PCDH15: variants seen among roughly 807,000 people sequenced by gnomAD.
PCDH15 encodes the protein protocadherin-15.
In PCDH15, 129 loss-of-function variants were observed where a neutral mutation model predicts 178.5. That is an observed-to-expected ratio of 0.72 (90% CI 0.63 to 0.84). PCDH15 has a LOEUF of 0.84. Among genes scored for constraint, PCDH15 ranks in the 40% least tolerant of loss-of-function variants. The probability of loss-of-function intolerance (pLI) is 0.00; values close to 1 mark genes in which losing one functional copy is unlikely to be tolerated. For synonymous variants in PCDH15, 800 were observed against 732.0 expected, an observed-to-expected ratio of 1.09 and a Z score of -1.50; for missense variants, 2,230 against 2,099.9, an observed-to-expected ratio of 1.06 and a Z score of -1.21.
intron 2 of PCDH15, among the ~76,000 whole-genome samples, chr10:54,976,565 G>A (rs1007362920): frequency 9.2e-5 from 14 of 152,274 alleles, no homozygotes; most frequent in African/African-American, 2.9e-4. Context: ...CACAGAACCA[G>A]TTGAGTCACG....
Position 55,491,186 on chromosome 10 carries a change from T to C in PCDH15, c.-156+136439A>G, listed in dbSNP as rs1003642795. 3.3e-5 allele frequency among the ~76,000 whole-genome samples: 5 copies of C among 151,870 alleles called. No individual in the cohort carries two copies. The East Asian group carries it at 7.9e-4, about 24-fold the overall frequency. ...CTGTGTATTCTATTACAGGAACGTG[T>C]GGTCAAGAAGACAGAGGCTCCCTTG... On this transcript the variant is annotated intron_variant, in intron 2 of 5. Transcript: ENST00000613346.
At chr10:53,855,899 G>GATAT (rs1324732057) in intron 28 of PCDH15, among the ~76,000 whole-genome samples, 1,948 of 77,836 alleles carry the variant, frequency 0.025, 131 homozygotes, top group African/African-American at 0.13. Flanking sequence ...AAAAAAAGGT[G>GATAT]ATATGTATAT....
intron 13 of PCDH15, among the ~76,000 whole-genome samples, 193 bp downstream of exon 13, chr10:54,183,251 G>A (rs996678840): frequency 7.2e-5 from 11 of 152,196 alleles, no homozygotes; most frequent in African/African-American, 1.9e-4. Context: ...GATTACAGGC[G>A]TGAGCCACCA....
intron 2 of PCDH15, among the ~76,000 whole-genome samples, chr10:55,474,139 A>G (rs1840017859): frequency 6.6e-6 from 1 of 152,172 alleles, no homozygotes; most frequent in East Asian, 1.9e-4. Context: ...AAAATTCAAG[A>G]TCAGATGTGT....
chr10:55,572,237 T>G (rs1380490366), intron 2 of PCDH15, among the ~76,000 whole-genome samples: 2 of 151,774 alleles, frequency 1.3e-5, no homozygotes, highest in Non-Finnish European at 2.9e-5. Flanking sequence ...TTTAAAGTAA[T>G]ATTCATAAAA....
chr10:53,807,942 T>G (rs2132359636), intron 37 of PCDH15: 1 of 152,228 alleles, frequency 6.6e-6, no homozygotes, highest in South Asian at 2.1e-4. Flanking sequence ...CTCAAAATAG[T>G]ATCGCATTTT....
chr10:53,981,393 G>C (rs998135835), intron 21 of PCDH15, among the ~76,000 whole-genome samples: 1 of 152,158 alleles, frequency 6.6e-6, no homozygotes, highest in African/African-American at 2.4e-5. Flanking sequence ...TTTCAGTGAG[G>C]CATCACGCTA....
chr10:55,470,537 T>C (rs1480391801), intron 2 of PCDH15, among the ~76,000 whole-genome samples: 1 of 152,172 alleles, frequency 6.6e-6, no homozygotes, highest in African/African-American at 2.4e-5. Context: ...CTTTAGTTTT[T>C]AGGGAGGTGT....
chr10:54,789,402 T>C (rs1951184771), intron 1 of PCDH15, among the ~76,000 whole-genome samples: 1 of 151,814 alleles, frequency 6.6e-6, no homozygotes, highest in Non-Finnish European at 1.5e-5. Context: ...AATATTAAAT[T>C]GCACTGCAGC....
chr10:55,037,196 A>T (rs1840756699), intron 2 of PCDH15, among the ~76,000 whole-genome samples: 1 of 152,270 alleles, frequency 6.6e-6, no homozygotes, highest in African/African-American at 2.4e-5. Flanking sequence ...TGATCTTTTC[A>T]GTTTTAAATA....
rs1774104523 is a variant in PCDH15 at position 54,144,979 on chromosome 10, A to G, written c.1784+8121T>C. Among the ~76,000 whole-genome samples the G allele has an allele frequency of 2.0e-5, 3 of 152,110 alleles. No individual in the cohort carries two copies. In the South Asian group the frequency reaches 6.2e-4, roughly 32 times the overall value. On this transcript the variant is annotated intron_variant, in intron 14 of 37. Coordinates refer to ENST00000644397, the MANE Select transcript of PCDH15 (RefSeq NM_001384140.1). The stretch of plus-strand genomic sequence containing the variant: ...ACTTATCTATGTGTGAATATAAAAC[A>G]TTTTTGGTTTGTAATAAAGGATGTT...
Position 53,817,510 on chromosome 10 carries a change from CTTTTTCTTTTT to C in PCDH15, c.4452+474_4452+484del, listed in dbSNP as rs1191500738. 5.4e-3 allele frequency among the ~76,000 whole-genome samples: 761 copies of C among 140,596 alleles called. 4 individuals are homozygous for C. The highest frequency in any genetic ancestry group is 0.018 in the African/African-American group (659 of 37,394). The allele number at this position is 140,596 out of a possible 152,430, so 92.2% of individuals were successfully genotyped here. A position where few individuals can be genotyped will look rare whatever the true frequency, so the allele number is the denominator to read the frequency against. ...TATATATATTCTTTGTTTTTTTTTTCTTTTTCTTTTTTTTTTCTTTTTTTTTTTTTTGAGAC... is the reference window on the plus strand; with the variant it reads ...TATATATATTCTTTGTTTTTTTTTTCTTTTTCTTTTTTTTTTTTTTGAGAC... On this transcript the variant is annotated intron_variant, in intron 34 of 37. Coordinates refer to ENST00000644397, the MANE Select transcript of PCDH15 (RefSeq NM_001384140.1).
intron 14 of PCDH15, among the ~76,000 whole-genome samples, chr10:54,137,289 G>A (rs531384704): frequency 1.3e-5 from 2 of 152,010 alleles, no homozygotes; most frequent in Non-Finnish European, 2.9e-5. Context: ...GTATGATGCA[G>A]ATAAATCTCC....
intron 1 of PCDH15, among the ~76,000 whole-genome samples, chr10:55,306,463 A>C (rs1055992048): frequency 6.6e-6 from 1 of 152,146 alleles, no homozygotes; most frequent in Non-Finnish European, 1.5e-5. Context: ...TGAATCATAA[A>C]TCTCCCTCTT....
At position 54,673,318 on chromosome 10, in the gene PCDH15, G is replaced by A. The variant is rs541783216; in HGVS notation, c.-28-9028C>T. 1.2e-3 allele frequency among the ~76,000 whole-genome samples: 189 copies of A among 151,870 alleles called. 3 individuals carry two copies. Among genetic ancestry groups the A allele is most frequent in the Non-Finnish European group, 1.0e-3 (70 of 67,964 alleles). ...AGCTCCCACTTACGAGTGAGAATATGCGGTGCTTGGTTTTTCTGTTCTTGT... is the reference window on the plus strand; with the variant it reads ...AGCTCCCACTTACGAGTGAGAATATACGGTGCTTGGTTTTTCTGTTCTTGT... On this transcript the variant is annotated intron_variant, in intron 1 of 37. Transcript: ENST00000644397.
At chr10:55,379,965 A>G (rs1381512217) in intron 2 of PCDH15, among the ~76,000 whole-genome samples, 3 of 152,086 alleles carry the variant, frequency 2.0e-5, no homozygotes, top group Admixed American at 1.3e-4. Context: ...AGAATAAAAC[A>G]CTGAAAATGT....
At chr10:54,903,168 C>T (rs932235347) in intron 2 of PCDH15, among the ~76,000 whole-genome samples, 4 of 151,868 alleles carry the variant, frequency 2.6e-5, no homozygotes, top group South Asian at 2.1e-4. Flanking sequence ...AGACTAGGTA[C>T]GAAAGAAAAG....
At chr10:54,442,074 T>A (rs1589429472) in intron 3 of PCDH15, among the ~76,000 whole-genome samples, 2 of 151,560 alleles carry the variant, frequency 1.3e-5, no homozygotes, top group South Asian at 4.1e-4. Context: ...TTAAAACAAG[T>A]AAAGTTGCCA....
chr10:54,973,022 A>G (rs1177109855), intron 2 of PCDH15, among the ~76,000 whole-genome samples: 1 of 151,806 alleles, frequency 6.6e-6, no homozygotes, highest in Non-Finnish European at 1.5e-5. Flanking sequence ...TAAAATTATA[A>G]TGATGAATGC....
Sources: gnomAD v4.1 joint callset for allele counts (sites outside exome capture counted in the v4.1 genomes callset) on GRCh38, gnomAD v4.1.1 for gene constraint, MANE v1.5 for transcripts, NCBI Gene and HGNC (gene_info 2026-07-23, HGNC 2026-07-21) for gene names.